ITPR2: variants seen among roughly 807,000 people sequenced by gnomAD.
ITPR2 encodes the protein inositol 1,4,5-trisphosphate-gated calcium channel ITPR2.
Under a neutral mutation model 317.1 loss-of-function variants are expected in ITPR2, and 207 were observed. The observed-to-expected ratio is 0.65, with a 90% CI of 0.58 to 0.73. The LOEUF is 0.73. ITPR2 is among the 30% of genes least tolerant of loss of function. ITPR2 has a pLI of 0.00. For synonymous variants in ITPR2, 1,156 were observed against 1,149.1 expected (o/e 1.01, Z -0.12); for missense variants, 2,613 against 3,284.0 (o/e 0.80, Z 4.99).
rs201928790 is a variant in ITPR2, at chr12:26,483,906, C to T, written c.5812-8G>A. Reference sequence around the variant, plus strand: ...TTGATTCCTCAAGAAGTTCTGAAGGCAAAAGAAAATAAAATTGAAGGGTTA... The same window carrying T: ...TTGATTCCTCAAGAAGTTCTGAAGGTAAAAGAAAATAAAATTGAAGGGTTA... On this transcript the variant is annotated splice_polypyrimidine_tract_variant and splice_region_variant and intron_variant, in intron 41 of 56. Coordinates refer to ENST00000381340, the MANE Select transcript of ITPR2 (RefSeq NM_002223.4). 2.5e-6 allele frequency: 4 copies of T among 1,611,574 alleles called. No individual in the cohort carries two copies. Among genetic ancestry groups the T allele is most frequent in the Admixed American group, 3.3e-5 (2 of 59,926 alleles).
At chr12:26,660,190 G>A (rs1250900503) in intron 15 of ITPR2, among the ~76,000 whole-genome samples, 1 of 152,186 alleles carries the variant, frequency 6.6e-6, no homozygotes, top group African/African-American at 2.4e-5. Context: ...GTGGTAAGGG[G>A]CAGAAAGCAA....
chr12:26,513,084 A>G (rs1331926015), intron 37 of ITPR2, among the ~76,000 whole-genome samples: 1 of 151,606 alleles, frequency 6.6e-6, no homozygotes, highest in African/African-American at 2.4e-5. Context: ...CTCGTGATCC[A>G]CCCGCCTAGG....
chr12:26,421,437 T>C (rs1021193287), intron 49 of ITPR2: 1 of 152,176 alleles, frequency 6.6e-6, no homozygotes, highest in African/African-American at 2.4e-5. Flanking sequence ...AAAGTGTTCA[T>C]ATGAAGGGGA....
intron 32 of ITPR2, among the ~76,000 whole-genome samples, chr12:26,593,878 T>C (rs1297908684): frequency 6.6e-6 from 1 of 152,212 alleles, no homozygotes; most frequent in Non-Finnish European, 1.5e-5. Flanking sequence ...AAAATAAAAA[T>C]CCTTTCAGCT....
chr12:26,349,253 A>G (rs1040264975), intron 55 of ITPR2, among the ~76,000 whole-genome samples: 1 of 152,200 alleles, frequency 6.6e-6, no homozygotes, highest in African/African-American at 2.4e-5. Context: ...GTAAGAGTGA[A>G]TTTTGCTCCA....
intron 26 of ITPR2, among the ~76,000 whole-genome samples, chr12:26,619,500 G>A (rs1946447838): frequency 6.6e-6 from 1 of 152,030 alleles, no homozygotes; most frequent in Non-Finnish European, 1.5e-5. Context: ...TTAACATCTG[G>A]CCCTGTTCTG....
rs546872304 is a variant in ITPR2, at chr12:26,686,700, G to A, written c.997-68C>T. ...TGCTAAACTCTCCAATTAATCAGGT[G>A]ATAAGGTTTAAATGTGCATGTTATT... On this transcript the variant is annotated intron_variant, in intron 10 of 56. Transcript: ENST00000381340. 1.7e-5 allele frequency: 23 copies of A among 1,371,294 alleles called. No individual in the cohort carries two copies. The African/African-American group carries it at 3.1e-4, about 18-fold the overall frequency. 84.9% of individuals were successfully genotyped at this position (1,371,294 alleles called of 1,614,324 possible). A position where few individuals can be genotyped will look rare whatever the true frequency, so the allele number is the denominator to read the frequency against.
intron 2 of ITPR2, among the ~76,000 whole-genome samples, chr12:26,732,577 G>C (rs1949044591): frequency 6.6e-6 from 1 of 152,162 alleles, no homozygotes; most frequent in African/African-American, 2.4e-5. Context: ...ATCTTCACAA[G>C]ACTCTCAAGA....
chr12:26,395,404 C>A (rs753720195), intron 54 of ITPR2, among the ~76,000 whole-genome samples: 7 of 151,988 alleles, frequency 4.6e-5, no homozygotes, highest in African/African-American at 1.4e-4. Flanking sequence ...GAATTCTGAC[C>A]GAGAAGGGAA....
chr12:26,431,707 C>T (rs530830223), intron 48 of ITPR2, among the ~76,000 whole-genome samples: 2 of 152,344 alleles, frequency 1.3e-5, no homozygotes, highest in South Asian at 4.1e-4. Context: ...TACCCCACTA[C>T]CTGGTTGAAG....
intron 2 of ITPR2, among the ~76,000 whole-genome samples, chr12:26,732,773 G>A (rs543856843): frequency 2.6e-5 from 4 of 152,224 alleles, no homozygotes; most frequent in South Asian, 2.1e-4. Context: ...AATGCTGTTC[G>A]TAATTCTACA....
At chr12:26,519,055 A>G (rs1418610866) in intron 37 of ITPR2, among the ~76,000 whole-genome samples, 1 of 152,214 alleles carries the variant, frequency 6.6e-6, no homozygotes, top group Non-Finnish European at 1.5e-5. Flanking sequence ...CAAAGAGCAA[A>G]CAGCTCAAAA....
chr12:26,567,983 T>TA (rs1945035905), intron 34 of ITPR2, among the ~76,000 whole-genome samples: 1 of 9,080 alleles, frequency 1.1e-4, no homozygotes, highest in East Asian at 6.0e-4. Context: ...ATATATTATA[T>TA]ATATATATAT....
rs989915294 is a variant in ITPR2 at position 26,624,293 on chromosome 12, C to G, written c.3122+6G>C. 6.3e-7 allele frequency: 1 copy of G among 1,576,662 alleles called. No individual in the cohort carries two copies. Among genetic ancestry groups the G allele is most frequent in the Non-Finnish European group, 8.7e-7 (1 of 1,148,918 alleles). Reference sequence around the variant, plus strand: ...GTAAGATAAAGATATATAAATGTTACTATACCTTCCCGCAAACATAGTTTC... The same window carrying G: ...GTAAGATAAAGATATATAAATGTTAGTATACCTTCCCGCAAACATAGTTTC... On this transcript the variant is annotated splice_donor_region_variant and intron_variant, in intron 24 of 56. Coordinates refer to ENST00000381340, the MANE Select transcript of ITPR2 (RefSeq NM_002223.4).
chr12:26,616,094 T>C (rs1225052152), intron 26 of ITPR2, among the ~76,000 whole-genome samples: 1 of 151,706 alleles, frequency 6.6e-6, no homozygotes, highest in African/African-American at 2.4e-5. Context: ...AAAAGGTAAA[T>C]TTTGCCTATG....
intron 12 of ITPR2, 27 bp downstream of exon 12, chr12:26,682,547 A>G: frequency 6.9e-7 from 1 of 1,457,218 alleles, no homozygotes; most frequent in Non-Finnish European, 9.6e-7. Flanking sequence ...TTTGGCTGAA[A>G]ATTAAACCAT....
intron 54 of ITPR2, among the ~76,000 whole-genome samples, chr12:26,390,639 A>G (rs1454011356): frequency 6.6e-6 from 1 of 152,202 alleles, no homozygotes; most frequent in African/African-American, 2.4e-5. Flanking sequence ...TTTCTGGGAC[A>G]ATGAAAATGT....
At chr12:26,577,333 G>A (rs983331036) in intron 34 of ITPR2, among the ~76,000 whole-genome samples, 1 of 152,240 alleles carries the variant, frequency 6.6e-6, no homozygotes, top group African/African-American at 2.4e-5. Flanking sequence ...AGGAGGGTAT[G>A]TGCAAAGAAT....
intron 49 of ITPR2, among the ~76,000 whole-genome samples, chr12:26,421,807 A>C (rs1940901878): frequency 6.6e-6 from 1 of 152,160 alleles, no homozygotes; most frequent in Non-Finnish European, 1.5e-5. Flanking sequence ...ACTGTCCTAT[A>C]TATTTTTTTC....
Sources: gnomAD v4.1 joint callset for allele counts (sites outside exome capture counted in the v4.1 genomes callset) on GRCh38, gnomAD v4.1.1 for gene constraint, MANE v1.5 for transcripts, NCBI Gene and HGNC (gene_info 2026-07-23, HGNC 2026-07-21) for gene names.